SPECC1L: variants seen among roughly 807,000 people sequenced by gnomAD.
SPECC1L encodes sperm antigen with calponin homology and coiled-coil domains 1 like, also known as cytospin-A.
A neutral mutation model predicts 116.8 loss-of-function variants in SPECC1L; 40 were observed. The ratio of observed to expected loss-of-function variants is 0.34; its 90% CI spans 0.27 to 0.45. The LOEUF (loss-of-function observed/expected upper bound fraction) is 0.45. Among genes scored for constraint, SPECC1L ranks in the 20% least tolerant of loss-of-function variants. SPECC1L has a pLI of 1.00. For synonymous variants in SPECC1L, 504 were observed against 500.6 expected, an observed-to-expected ratio of 1.01 and a Z score of -0.09; for missense variants, 1,110 against 1,373.6, an observed-to-expected ratio of 0.81 and a Z score of 3.03.
chr22:24,391,318 C>G (rs753537564), intron 14 of SPECC1L, among the ~76,000 whole-genome samples: 9 of 152,200 alleles, frequency 5.9e-5, no homozygotes, highest in Non-Finnish European at 1.3e-4. Context: ...CCCAGAATCA[C>G]AGTGTACTTA....
In SPECC1L at chr22:24,404,944, G is replaced by A. The variant is rs548334978; in HGVS notation, c.3088-6644G>A. On this transcript the variant is annotated intron_variant, in intron 14 of 16. Transcript: ENST00000314328. Reference sequence around the variant, plus strand: ...CCATGCTGGGGCCACAGATTTTAGGGTGTCACTGTGTCTCCTGCTCTCCAA... The same window carrying A: ...CCATGCTGGGGCCACAGATTTTAGGATGTCACTGTGTCTCCTGCTCTCCAA... Among the ~76,000 whole-genome samples, 6 of 152,304 alleles carry A rather than the reference G, an allele frequency of 3.9e-5. No individual in the cohort carries two copies. The South Asian group carries it at 1.2e-3, about 32-fold the overall frequency.
At chr22:24,408,553 C>T (rs956798470) in intron 14 of SPECC1L, among the ~76,000 whole-genome samples, 1 of 152,212 alleles carries the variant, frequency 6.6e-6, no homozygotes, top group African/African-American at 2.4e-5. Flanking sequence ...GTCAGACTGT[C>T]GGCACACCAG....
chr22:24,360,252 A>G (rs911954638), intron 11 of SPECC1L, among the ~76,000 whole-genome samples: 2 of 152,250 alleles, frequency 1.3e-5, no homozygotes, highest in African/African-American at 4.8e-5. Context: ...TACTTAGTAG[A>G]GTAGTAAATG....
intron 11 of SPECC1L, among the ~76,000 whole-genome samples, chr22:24,361,002 CT>C (rs144001065): frequency 0.079 from 12,085 of 152,238 alleles, 920 homozygotes; most frequent in African/African-American, 0.19. Flanking sequence ...TGTAGGGACT[CT>C]TTAAGCTATA....
intron 14 of SPECC1L, among the ~76,000 whole-genome samples, chr22:24,373,928 A>G (rs1030959750): frequency 6.6e-5 from 10 of 152,292 alleles, no homozygotes; most frequent in African/African-American, 2.2e-4. Flanking sequence ...CAAATATACA[A>G]GAAAAAAAAA....
At chr22:24,308,689 A>T (rs1051185444) in intron 3 of SPECC1L, among the ~76,000 whole-genome samples, 2 of 151,804 alleles carry the variant, frequency 1.3e-5, no homozygotes, top group African/African-American at 4.8e-5. Flanking sequence ...TGGTTTTAGC[A>T]TTTTTTTTGG....
intron 13 of SPECC1L, among the ~76,000 whole-genome samples, chr22:24,366,354 C>T (rs373676216): frequency 6.6e-5 from 10 of 152,000 alleles, no homozygotes; most frequent in East Asian, 1.9e-4. Context: ...CCACCTCGCC[C>T]GGCTAATTTT....
chr22:24,333,145 T>C (rs978444161), intron 8 of SPECC1L, among the ~76,000 whole-genome samples: 1 of 152,132 alleles, frequency 6.6e-6, no homozygotes, highest in African/African-American at 2.4e-5. Context: ...GGAGAATCAC[T>C]TGAACCTGGG....
rs1351155686 is a variant in SPECC1L, at chr22:24,415,630, C to G, written c.*1007C>G. 6.6e-6 allele frequency: 1 copy of G among 152,544 alleles called. No homozygotes were observed. The highest frequency in any genetic ancestry group is 1.9e-4 in the East Asian group (1 of 5,188). The allele number at this position is 152,544 out of a possible 1,614,324, so 9.4% of individuals were successfully genotyped here. On this transcript the variant is annotated 3_prime_UTR_variant, in exon 17 of 17. Coordinates refer to ENST00000314328, the MANE Select transcript of SPECC1L (RefSeq NM_015330.6). ...ATTTAAACTCACTGAGTCACTAAGA[C>G]ATAATTCTCCTAGGCCAGAGTTAAA...
At chr22:24,367,231 TG>T (rs1014853264) in intron 13 of SPECC1L, among the ~76,000 whole-genome samples, 7 of 152,164 alleles carry the variant, frequency 4.6e-5, no homozygotes, top group African/African-American at 1.7e-4. Context: ...GACAAGTTTT[TG>T]TTTGTTTTTT....
intron 11 of SPECC1L, among the ~76,000 whole-genome samples, chr22:24,347,862 G>A (rs2041333772): frequency 6.6e-6 from 1 of 152,130 alleles, no homozygotes; most frequent in South Asian, 2.1e-4. Flanking sequence ...TTTTAGTAGA[G>A]ACAGGGTTTC....
chr22:24,320,709 T>A (rs2040703790), intron 4 of SPECC1L, among the ~76,000 whole-genome samples: 1 of 152,248 alleles, frequency 6.6e-6, no homozygotes, highest in Admixed American at 6.5e-5. Flanking sequence ...TAGCTATTGT[T>A]ATAATTGTTA....
chr22:24,325,554 T>TA (rs1006952750), intron 6 of SPECC1L, among the ~76,000 whole-genome samples: 1 of 150,868 alleles, frequency 6.6e-6, no homozygotes, highest in African/African-American at 2.4e-5. Flanking sequence ...TTTATTTATT[T>TA]ATTTATTTAT....
chr22:24,273,092 T>C (rs1160592993), intron 1 of SPECC1L, among the ~76,000 whole-genome samples: 2 of 152,236 alleles, frequency 1.3e-5, no homozygotes, highest in Non-Finnish European at 2.9e-5. Context: ...GTGAAGTTTG[T>C]ATCAAAATTT....
intron 2 of SPECC1L, among the ~76,000 whole-genome samples, chr22:24,299,037 C>T (rs1229218896): frequency 6.6e-6 from 1 of 152,080 alleles, no homozygotes; most frequent in African/African-American, 2.4e-5. Flanking sequence ...ATGACATACC[C>T]AAATGAAGAG....
rs142141551 is a variant in SPECC1L, at chr22:24,311,559, G to T, written c.154-1754G>T. Among the ~76,000 whole-genome samples the T allele has an allele frequency of 2.6e-3, 401 of 152,194 alleles. 2 individuals are homozygous for T. The highest frequency in any genetic ancestry group is 9.0e-3 in the African/African-American group (373 of 41,522). Reference sequence around the variant, plus strand: ...GTAGCTCACACTTGTAATCCCAGCAGTTTGGGAGGCCAAGGTGGGCAGATC... The same window carrying T: ...GTAGCTCACACTTGTAATCCCAGCATTTTGGGAGGCCAAGGTGGGCAGATC... On this transcript the variant is annotated intron_variant, in intron 3 of 16. Transcript: ENST00000314328.
intron 12 of SPECC1L, among the ~76,000 whole-genome samples, chr22:24,364,120 C>G (rs937729561): frequency 6.6e-6 from 1 of 152,092 alleles, no homozygotes; most frequent in Non-Finnish European, 1.5e-5. Context: ...CTGTGCTCAG[C>G]CCTGCGTTCT....
intron 14 of SPECC1L, among the ~76,000 whole-genome samples, chr22:24,382,984 G>T (rs1316685900): frequency 2.0e-5 from 3 of 152,160 alleles, no homozygotes; most frequent in Non-Finnish European, 2.9e-5. Context: ...ATTCAGTAGA[G>T]AGCTATTACC....
intron 3 of SPECC1L, among the ~76,000 whole-genome samples, chr22:24,312,546 TC>T (rs1011481337): frequency 6.6e-6 from 1 of 152,200 alleles, no homozygotes; most frequent in African/African-American, 2.4e-5. Context: ...TCTCTTTTTT[TC>T]CCCCACATAT....
Sources: allele counts gnomAD v4.1 joint callset (sites outside exome capture counted in the v4.1 genomes callset), GRCh38; gene constraint gnomAD v4.1.1; transcripts MANE v1.5; gene names NCBI Gene and HGNC (gene_info 2026-07-23, HGNC 2026-07-21).